Variants in ZDHHC20 observed in about 807,000 individuals in gnomAD.
ZDHHC20 encodes the protein palmitoyltransferase ZDHHC20.
ZDHHC20 carries 43 observed loss-of-function variants against 57.8 expected under a neutral mutation model. The ratio of observed to expected loss-of-function variants is 0.74; its 90% CI spans 0.58 to 0.96. ZDHHC20 has a LOEUF of 0.96. ZDHHC20 is among the 40% of genes least tolerant of loss of function. ZDHHC20 has a pLI of 0.00. For missense variants in ZDHHC20, 391 were observed against 441.1 expected, an observed-to-expected ratio of 0.89 and a Z score of 1.02; for synonymous variants, 157 against 153.0, an observed-to-expected ratio of 1.03 and a Z score of -0.19.
intron 7 of ZDHHC20, among the ~76,000 whole-genome samples, chr13:21,396,674 A>T (rs2137766641): frequency 6.6e-6 from 1 of 152,040 alleles, no homozygotes; most frequent in South Asian, 2.1e-4. Flanking sequence ...CTCTACTAAA[A>T]ATACAAAAAT....
chr13:21,423,094 A>T (rs1289354499), intron 2 of ZDHHC20, among the ~76,000 whole-genome samples: 1 of 152,176 alleles, frequency 6.6e-6, no homozygotes, highest in South Asian at 2.1e-4. Flanking sequence ...ATTCAAACTC[A>T]TATCTGTTTG....
At chr13:21,393,880 T>C (rs2137747573) in intron 7 of ZDHHC20, among the ~76,000 whole-genome samples, 1 of 152,106 alleles carries the variant, frequency 6.6e-6, no homozygotes, top group East Asian at 1.9e-4. Context: ...TGGGGAAGAA[T>C]AAAATAAAAT....
chr13:21,373,383 T>A lies in ZDHHC20; in HGVS notation c.*3313A>T, dbSNP rs1177280278. On this transcript the variant is annotated 3_prime_UTR_variant, in exon 13 of 13. Transcript: ENST00000400590. ...TCTGCTAATAGAAATACAATTCAAG[T>A]AAACATTGCATATTTGATTTAAACC... 6.6e-6 allele frequency: 1 copy of A among 152,206 alleles called. No homozygotes were observed. Among genetic ancestry groups the A allele is most frequent in the Non-Finnish European group, 1.5e-5 (1 of 68,012 alleles). The allele number at this position is 152,206 out of a possible 1,614,324, so 9.4% of individuals were successfully genotyped here. A position where few individuals can be genotyped will look rare whatever the true frequency, so the allele number is the denominator to read the frequency against.
chr13:21,384,482 A>C (rs1201028342), intron 9 of ZDHHC20, among the ~76,000 whole-genome samples: 2 of 129,644 alleles, frequency 1.5e-5, no homozygotes, highest in African/African-American at 2.8e-5. Flanking sequence ...AAAAAAAAAG[A>C]GGGGCTGAGG....
At chr13:21,454,909 GT>G (rs1884777838) in intron 1 of ZDHHC20, among the ~76,000 whole-genome samples, 1 of 151,134 alleles carries the variant, frequency 6.6e-6, no homozygotes, top group Non-Finnish European at 1.5e-5. Context: ...TCTTTTGTTT[GT>G]TTGTTTGTTG....
At chr13:21,426,229 G>C (rs986151570) in intron 1 of ZDHHC20, among the ~76,000 whole-genome samples, 1 of 152,092 alleles carries the variant, frequency 6.6e-6, no homozygotes, top group Admixed American at 6.5e-5. Flanking sequence ...CTTCCACCTT[G>C]TATTACTATT....
rs907733791 is a variant in ZDHHC20, at chr13:21,378,623, G to T, written c.*40+38C>A. 11 of 1,139,184 alleles carry T rather than the reference G, an allele frequency of 9.7e-6. No homozygotes were observed. The African/African-American group carries it at 1.6e-4, about 16-fold the overall frequency. The allele number at this position is 1,139,184 out of a possible 1,614,324, so 70.6% of individuals were successfully genotyped here. On this transcript the variant is annotated intron_variant, in intron 12 of 12. Transcript: ENST00000400590. Reference sequence around the variant, plus strand: ...TAAAGATTATGAAATATGCAAATAAGCTGCATTTATTCAAGGATTACCTTT... The same window carrying T: ...TAAAGATTATGAAATATGCAAATAATCTGCATTTATTCAAGGATTACCTTT...
chr13:21,416,966 T>C (rs1481632137), intron 3 of ZDHHC20, among the ~76,000 whole-genome samples: 2 of 152,222 alleles, frequency 1.3e-5, no homozygotes, highest in Non-Finnish European at 2.9e-5. Flanking sequence ...AGGGAAGGGA[T>C]GGGAAATACC....
At chr13:21,430,148 GA>G (rs1555263248) in intron 1 of ZDHHC20, among the ~76,000 whole-genome samples, 1 of 152,082 alleles carries the variant, frequency 6.6e-6, no homozygotes, top group Non-Finnish European at 1.5e-5. Context: ...ATTGTATCCT[GA>G]AATGTTTTAG....
At chr13:21,447,114 A>T (rs1242891989) in intron 1 of ZDHHC20, among the ~76,000 whole-genome samples, 3 of 151,924 alleles carry the variant, frequency 2.0e-5, no homozygotes, top group Non-Finnish European at 4.4e-5. Flanking sequence ...CAGGTTTACA[A>T]GGATACTACA....
chr13:21,438,424 C>A (rs1882776265), intron 1 of ZDHHC20, among the ~76,000 whole-genome samples: 1 of 152,168 alleles, frequency 6.6e-6, no homozygotes, highest in Non-Finnish European at 1.5e-5. Flanking sequence ...CAGTTCAAGA[C>A]TTCAGTGGAG....
chr13:21,407,876 A>C (rs1380589996), intron 4 of ZDHHC20, among the ~76,000 whole-genome samples: 1 of 152,194 alleles, frequency 6.6e-6, no homozygotes, highest in African/African-American at 2.4e-5. Flanking sequence ...TAAATAGGGA[A>C]TCCTTTCCCC....
chr13:21,410,687 C>T (rs1879077687), intron 4 of ZDHHC20, among the ~76,000 whole-genome samples: 1 of 152,194 alleles, frequency 6.6e-6, no homozygotes, highest in Non-Finnish European at 1.5e-5. Context: ...ACTCAAGCCT[C>T]AGTAATGGCA....
At chr13:21,392,110 G>A (rs1875822035) in intron 7 of ZDHHC20, among the ~76,000 whole-genome samples, 1 of 151,474 alleles carries the variant, frequency 6.6e-6, no homozygotes, top group African/African-American at 2.4e-5. Flanking sequence ...TGGCATGGTG[G>A]TGCATACCTG....
At chr13:21,435,571 T>C (rs1397064661) in intron 1 of ZDHHC20, among the ~76,000 whole-genome samples, 1 of 152,192 alleles carries the variant, frequency 6.6e-6, no homozygotes, top group East Asian at 1.9e-4. Context: ...AATTTGCCGG[T>C]GCATGCTGAT....
At chr13:21,448,529 G>A (rs1376591154) in intron 1 of ZDHHC20, among the ~76,000 whole-genome samples, 7 of 93,960 alleles carry the variant, frequency 7.4e-5, no homozygotes, top group Non-Finnish European at 1.1e-4. Flanking sequence ...ACCTCTGCCC[G>A]GCCGCCCCTA....
At chr13:21,442,957 T>A (rs1053830298) in intron 1 of ZDHHC20, among the ~76,000 whole-genome samples, 1 of 152,198 alleles carries the variant, frequency 6.6e-6, no homozygotes, top group Non-Finnish European at 1.5e-5. Context: ...TGAGTTACAC[T>A]GATTTTCATG....
intron 7 of ZDHHC20, among the ~76,000 whole-genome samples, chr13:21,392,134 T>TG (rs1875829035): frequency 6.6e-6 from 1 of 151,372 alleles, no homozygotes; most frequent in East Asian, 1.9e-4. Context: ...TCCCAGCTAT[T>TG]GGGGAGACTG....
intron 1 of ZDHHC20, among the ~76,000 whole-genome samples, chr13:21,434,220 C>T (rs1210647773): frequency 6.6e-6 from 1 of 152,146 alleles, no homozygotes; most frequent in Non-Finnish European, 1.5e-5. Flanking sequence ...TACTTAACAT[C>T]TTCTATCTCA....
Sources: allele counts gnomAD v4.1 joint callset (sites outside exome capture counted in the v4.1 genomes callset), GRCh38; gene constraint gnomAD v4.1.1; transcripts MANE v1.5; gene names NCBI Gene and HGNC (gene_info 2026-07-23, HGNC 2026-07-21).